Variants in CPEB3 observed in about 807,000 individuals in gnomAD.
CPEB3 encodes the protein cytoplasmic polyadenylation element binding protein 3.
Under a neutral mutation model 67.2 loss-of-function variants are expected in CPEB3, and 20 were observed. The observed-to-expected ratio is 0.30, with a 90% confidence interval of 0.21 to 0.43. The LOEUF is 0.43. Among genes scored for constraint, CPEB3 ranks in the 20% least tolerant of loss-of-function variants. The pLI is 1.00. For synonymous variants in CPEB3, 376 were observed against 393.1 expected (o/e 0.96, Z 0.51); for missense variants, 746 against 968.6 (o/e 0.77, Z 3.05).
chr10:92,256,933 T>C (rs1852542007), intron 1 of CPEB3, among the ~76,000 whole-genome samples: 1 of 152,256 alleles, frequency 6.6e-6, no homozygotes, highest in Non-Finnish European at 1.5e-5. Context: ...ACCCAGGTAC[T>C]GGGCCTAAAA....
intron 4 of CPEB3, among the ~76,000 whole-genome samples, chr10:92,166,700 A>T (rs181921486): frequency 3.2e-4 from 49 of 152,364 alleles, no homozygotes; most frequent in African/African-American, 1.1e-3. Context: ...TAGATTTAGT[A>T]TAATTCTTAA....
chr10:92,077,803 A>C (rs1842992148), intron 9 of CPEB3, among the ~76,000 whole-genome samples: 2 of 147,508 alleles, frequency 1.4e-5, no homozygotes, highest in African/African-American at 5.0e-5. Context: ...GAGGGGAAGA[A>C]AATGGGAGGA....
chr10:92,258,984 A>C (rs1409194397), intron 1 of CPEB3, among the ~76,000 whole-genome samples: 3 of 148,310 alleles, frequency 2.0e-5, no homozygotes, highest in Non-Finnish European at 4.5e-5. Flanking sequence ...TTTTTCTTTG[A>C]GACAGTCTCA....
chr10:92,171,648 T>C (rs1359069185), intron 4 of CPEB3, among the ~76,000 whole-genome samples: 1 of 152,130 alleles, frequency 6.6e-6, no homozygotes, highest in Non-Finnish European at 1.5e-5. Flanking sequence ...AGAGTCTCAC[T>C]CTGTTGCCCA....
At chr10:92,116,736 G>A (rs1240997076) in intron 6 of CPEB3, among the ~76,000 whole-genome samples, 1 of 152,216 alleles carries the variant, frequency 6.6e-6, no homozygotes, top group Non-Finnish European at 1.5e-5. Context: ...GCCAGTCTAT[G>A]AAAGCAGACA....
At chr10:92,172,286 A>G (rs749280660) in intron 4 of CPEB3, among the ~76,000 whole-genome samples, 77 of 152,188 alleles carry the variant, frequency 5.1e-4, no homozygotes, top group Non-Finnish European at 9.8e-4. Context: ...AGCTGAAAAA[A>G]CAAGACAACA....
chr10:92,220,895 T>C (rs1850668987), intron 2 of CPEB3, among the ~76,000 whole-genome samples: 1 of 152,184 alleles, frequency 6.6e-6, no homozygotes, highest in Non-Finnish European at 1.5e-5. Context: ...TCTACAAGTC[T>C]AGCATGCTTC....
intron 7 of CPEB3, among the ~76,000 whole-genome samples, chr10:92,102,164 C>T (rs1010409820): frequency 6.6e-6 from 1 of 152,156 alleles, no homozygotes; most frequent in African/African-American, 2.4e-5. Context: ...GGAAGAGATG[C>T]CTTCCCTGCA....
At chr10:92,176,510 A>G (rs192339767) in intron 4 of CPEB3, among the ~76,000 whole-genome samples, 2 of 152,370 alleles carry the variant, frequency 1.3e-5, no homozygotes, top group Admixed American at 1.3e-4. Flanking sequence ...CATGCCTTCC[A>G]GCCTGCTTCA....
intron 1 of CPEB3, among the ~76,000 whole-genome samples, chr10:92,280,719 A>G (rs1025631187): frequency 2.0e-5 from 3 of 149,100 alleles, no homozygotes; most frequent in African/African-American, 7.4e-5. Flanking sequence ...CCTGATCTAT[A>G]TACATACAGG....
At chr10:92,195,752 T>C (rs908848667) in intron 2 of CPEB3, among the ~76,000 whole-genome samples, 3 of 152,186 alleles carry the variant, frequency 2.0e-5, no homozygotes, top group Admixed American at 2.0e-4. Context: ...ATTTAATTAT[T>C]GATAATCCCT....
At chr10:92,157,415 T>A in intron 4 of CPEB3, among the ~76,000 whole-genome samples, 1 of 152,184 alleles carries the variant, frequency 6.6e-6, no homozygotes, top group East Asian at 1.9e-4. Context: ...GGGAAATGCT[T>A]TAGAACAGTT....
At chr10:92,196,044 T>C (rs181910712) in intron 2 of CPEB3, among the ~76,000 whole-genome samples, 9 of 152,330 alleles carry the variant, frequency 5.9e-5, no homozygotes, top group Admixed American at 4.6e-4. Flanking sequence ...TGTAACTAAA[T>C]TGAAATGGTT....
chr10:92,211,204 G>A (rs1259703675), intron 2 of CPEB3, among the ~76,000 whole-genome samples: 1 of 152,142 alleles, frequency 6.6e-6, no homozygotes, highest in Non-Finnish European at 1.5e-5. Flanking sequence ...TAAGCATTCA[G>A]CCACTTTTAG....
intron 4 of CPEB3, among the ~76,000 whole-genome samples, chr10:92,179,568 G>A (rs745837425): frequency 3.2e-4 from 49 of 152,048 alleles, no homozygotes; most frequent in Non-Finnish European, 5.4e-4. Flanking sequence ...AATTCCCATC[G>A]ACTAGAAAAA....
At chr10:92,197,818 T>C (rs1354962786) in intron 2 of CPEB3, among the ~76,000 whole-genome samples, 3 of 152,134 alleles carry the variant, frequency 2.0e-5, no homozygotes, top group South Asian at 4.1e-4. Flanking sequence ...TTTTATAAAT[T>C]AAACAAGTCG....
At chr10:92,274,334 TCA>T (rs1841879869) in intron 1 of CPEB3, among the ~76,000 whole-genome samples, 1 of 152,186 alleles carries the variant, frequency 6.6e-6, no homozygotes, top group Admixed American at 6.6e-5. Flanking sequence ...AAAAACTGCC[TCA>T]CACATGGCTG....
At chr10:92,280,146 A>C (rs1331838447) in intron 1 of CPEB3, among the ~76,000 whole-genome samples, 4 of 151,830 alleles carry the variant, frequency 2.6e-5, no homozygotes, top group Non-Finnish European at 4.4e-5. Context: ...AGTTCGAGAC[A>C]AGCCTGGCCA....
chr10:92,107,607 C>T (rs765497184), intron 7 of CPEB3, among the ~76,000 whole-genome samples: 4 of 152,128 alleles, frequency 2.6e-5, no homozygotes, highest in African/African-American at 4.8e-5. Context: ...ATGAGAGGGA[C>T]CACTGTGCAC....
Sources: allele counts gnomAD v4.1 joint callset (sites outside exome capture counted in the v4.1 genomes callset), GRCh38; gene constraint gnomAD v4.1.1; transcripts MANE v1.5; gene names NCBI Gene and HGNC (gene_info 2026-07-23, HGNC 2026-07-21).